KAZN: variants seen among roughly 807,000 people sequenced by gnomAD.
The protein encoded by KAZN is kazrin.
A neutral mutation model predicts 87.4 loss-of-function variants in KAZN; 40 were observed. The ratio of observed to expected loss-of-function variants is 0.46; its 90% CI spans 0.36 to 0.60. The LOEUF (loss-of-function observed/expected upper bound fraction) is 0.60. KAZN is among the 20% of genes least tolerant of loss of function. The pLI is 0.00. For missense variants in KAZN, 898 were observed against 1,073.9 expected (o/e 0.84, Z 2.29); for synonymous variants, 466 against 458.3 (o/e 1.02, Z -0.22).
At chr1:14,955,895 C>T (rs563940518) in intron 1 of KAZN, among the ~76,000 whole-genome samples, 7 of 152,274 alleles carry the variant, frequency 4.6e-5, no homozygotes, top group South Asian at 4.2e-4. Context: ...TCAAAATCCC[C>T]GTGAGATGAG....
intron 1 of KAZN, among the ~76,000 whole-genome samples, chr1:14,011,656 G>GT (rs1281155061): frequency 6.6e-6 from 1 of 152,154 alleles, no homozygotes; most frequent in East Asian, 1.9e-4. Context: ...GACTGCCTGG[G>GT]TTTGAATCCC....
At chr1:14,485,993 T>C (rs1293962058) in intron 2 of KAZN, among the ~76,000 whole-genome samples, 2 of 151,952 alleles carry the variant, frequency 1.3e-5, no homozygotes, top group African/African-American at 4.8e-5. Context: ...GGAGCAGTCA[T>C]GGAGCTGTAA....
At chr1:14,605,433 A>G (rs765129614) in intron 1 of KAZN, among the ~76,000 whole-genome samples, 5 of 152,216 alleles carry the variant, frequency 3.3e-5, no homozygotes, top group Non-Finnish European at 7.3e-5. Flanking sequence ...CTAGCCTACT[A>G]TTGACCGGAA....
chr1:15,094,084 G>A lies in KAZN; in HGVS notation c.1223-96G>A. ...GAAGAGAATACATGGAGGGGAGGAT[G>A]TCCCCACCACCCTCTGCCTCCCGGG... On this transcript the variant is annotated intron_variant, in intron 8 of 14. Transcript: ENST00000376030. This position sits in a 1 kb window ranked among gnomAD's most constrained non-coding sequence, Gnocchi z 4.5. 3 of 1,068,946 alleles carry A rather than the reference G, an allele frequency of 2.8e-6. No individual in the cohort carries two copies. The Admixed American group carries it at 6.4e-5, about 23-fold the overall frequency. 66.2% of individuals were successfully genotyped at this position (1,068,946 alleles called of 1,614,324 possible). A position where few individuals can be genotyped will look rare whatever the true frequency, so the allele number is the denominator to read the frequency against.
intron 1 of KAZN, among the ~76,000 whole-genome samples, chr1:13,958,859 G>A (rs1641648403): frequency 6.6e-6 from 1 of 152,142 alleles, no homozygotes; most frequent in Admixed American, 6.5e-5. Flanking sequence ...GCAGAGATGA[G>A]AAATGCAGGA....
intron 13 of KAZN, among the ~76,000 whole-genome samples, chr1:15,110,208 G>A: frequency 6.9e-6 from 1 of 144,606 alleles, no homozygotes; most frequent in Admixed American, 6.8e-5. Context: ...ATGTTTAGGT[G>A]GTGTTTGTGT....
intron 2 of KAZN, among the ~76,000 whole-genome samples, chr1:14,576,146 C>A (rs1249440003): frequency 6.6e-6 from 1 of 152,196 alleles, no homozygotes; most frequent in East Asian, 1.9e-4. Flanking sequence ...CACTTAACCT[C>A]TCAAGCCTTA....
chr1:14,557,672 TGA>T (rs57818821), intron 2 of KAZN, among the ~76,000 whole-genome samples: 239 of 136,658 alleles, frequency 1.7e-3, no homozygotes, highest in Middle Eastern at 7.5e-3. Flanking sequence ...GTGTGGTGTG[TGA>T]GAGAGAGAGA....
intron 1 of KAZN, among the ~76,000 whole-genome samples, chr1:13,925,474 A>T (rs999840633): frequency 6.6e-6 from 1 of 152,138 alleles, no homozygotes; most frequent in African/African-American, 2.4e-5. Flanking sequence ...TCTGAAAGAG[A>T]TGTGAGTACC....
chr1:14,615,308 A>T (rs746769684), intron 1 of KAZN, among the ~76,000 whole-genome samples: 2 of 152,192 alleles, frequency 1.3e-5, no homozygotes, highest in Non-Finnish European at 2.9e-5. Context: ...TCTAGCCTCG[A>T]GCCTGCAACT....
intron 2 of KAZN, among the ~76,000 whole-genome samples, chr1:14,985,312 A>AAGG (rs1666691820): frequency 7.8e-6 from 1 of 128,202 alleles, no homozygotes; most frequent in East Asian, 2.0e-4. Context: ...GGAGAATCAC[A>AAGG]TGAGCTGAGG....
chr1:14,800,538 T>C (rs762987190), intron 1 of KAZN, among the ~76,000 whole-genome samples: 2 of 152,094 alleles, frequency 1.3e-5, no homozygotes, highest in Non-Finnish European at 2.9e-5. Context: ...CCATCTCTAC[T>C]ACAAAACATT....
rs568155131 is a variant in KAZN, at chr1:14,069,898, C to T, written c.92-110537C>T. On this transcript the variant is annotated intron_variant, in intron 1 of 16. Coordinates refer to the KAZN transcript ENST00000636203. ...AAGAAGAGAGGGAGGAGGCTGGGTGCGGTGGCTCACGCCTGTAATCCCAGC... is the reference window on the plus strand; with the variant it reads ...AAGAAGAGAGGGAGGAGGCTGGGTGTGGTGGCTCACGCCTGTAATCCCAGC... Among the ~76,000 whole-genome samples, 8 of 151,902 alleles carry T rather than the reference C, an allele frequency of 5.3e-5. No individual in the cohort carries two copies. The East Asian group carries it at 7.8e-4, about 15-fold the overall frequency.
chr1:14,591,848 T>C (rs1676223567), intron 2 of KAZN, among the ~76,000 whole-genome samples: 1 of 152,198 alleles, frequency 6.6e-6, no homozygotes, highest in South Asian at 2.1e-4. Context: ...ACTGAACGCA[T>C]AGATTTCCAT....
At chr1:15,015,944 C>T (rs543315449) in intron 2 of KAZN, among the ~76,000 whole-genome samples, 2 of 152,190 alleles carry the variant, frequency 1.3e-5, no homozygotes, top group Admixed American at 6.5e-5. Flanking sequence ...CACTTAACCC[C>T]GTCCCTGCTC....
At chr1:14,683,606 A>C (rs182177204) in intron 1 of KAZN, among the ~76,000 whole-genome samples, 1 of 152,336 alleles carries the variant, frequency 6.6e-6, no homozygotes, top group East Asian at 1.9e-4. Flanking sequence ...TCACTTATTC[A>C]CGACCCATTT....
chr1:14,165,147 T>C (rs1645798855), intron 1 of KAZN, among the ~76,000 whole-genome samples: 1 of 152,200 alleles, frequency 6.6e-6, no homozygotes, highest in Non-Finnish European at 1.5e-5. Flanking sequence ...TAGTTTTATG[T>C]ATTTCTGACA....
At chr1:14,190,767 T>A (rs572546796) in intron 2 of KAZN, among the ~76,000 whole-genome samples, 1 of 152,110 alleles carries the variant, frequency 6.6e-6, no homozygotes, top group Non-Finnish European at 1.5e-5. Context: ...ACTAGCCAGC[T>A]CCCAGCAAAC....
chr1:14,348,887 A>C (rs189571105), intron 2 of KAZN: 2 of 152,378 alleles, frequency 1.3e-5, no homozygotes, highest in Non-Finnish European at 2.9e-5. Flanking sequence ...GATCCACCAT[A>C]TAATCTGTGA....
Sources: gnomAD v4.1 joint callset for allele counts (sites outside exome capture counted in the v4.1 genomes callset) on GRCh38, gnomAD v4.1.1 for gene constraint, Gnocchi (gnomAD v3.1) non-coding constraint, MANE v1.5 for transcripts, NCBI Gene and HGNC (gene_info 2026-07-23, HGNC 2026-07-21) for gene names.